The following CEP78 variants were observed in gnomAD, a reference collection of about 807,000 sequenced individuals.
CEP78 encodes centrosomal protein of 78 kDa.
In CEP78, 76 loss-of-function variants were observed where a neutral mutation model predicts 81.2. That is an observed-to-expected ratio of 0.94 (90% CI 0.78 to 1.13). The LOEUF (loss-of-function observed/expected upper bound fraction) is 1.13, where lower values mean the gene tolerates loss of function less well. Among genes scored for constraint, CEP78 ranks in the 50% most tolerant of loss-of-function variants. The pLI is 0.00. For missense variants in CEP78, 918 were observed against 846.8 expected (o/e 1.08, Z -1.04); for synonymous variants, 293 against 301.4 (o/e 0.97, Z 0.29).
Position 78,240,079 on chromosome 9 carries a change from G to A in CEP78, c.310G>A (p.Val104Met). 3 of 1,585,724 alleles carry A rather than the reference G, an allele frequency of 1.9e-6. No individual in the cohort carries two copies. The highest frequency in any genetic ancestry group is 1.2e-5 in the South Asian group (1 of 84,932). Residue 104 changes from valine (V) to methionine (M), a missense_variant, in exon 2 of 17, where the codon GTG (valine) becomes ATG (methionine). Coordinates refer to ENST00000643273, the MANE Select transcript of CEP78 (RefSeq NM_001330691.3). ...SRVPAIRYKD[V>M]TFQLCKALKG... ...TGTTCCTGCGATAAGATACAAAGAT[G>A]TGACCTTCCAGTTGTGTAAAGCTCT...
chr9:78,253,076 A>G (rs982765679), intron 9 of CEP78, among the ~76,000 whole-genome samples, 156 bp from the exon 10 acceptor site: 1 of 152,218 alleles, frequency 6.6e-6, no homozygotes, highest in Non-Finnish European at 1.5e-5. Flanking sequence ...AATTTTCTCC[A>G]TAGCAGAGCT....
Position 78,242,851 on chromosome 9 carries a change from G to A in CEP78, c.604-611G>A, listed in dbSNP as rs145394880. Among the ~76,000 whole-genome samples, 753 of 152,216 alleles carry A rather than the reference G, an allele frequency of 4.9e-3. 6 individuals carry two copies. Among genetic ancestry groups the A allele is most frequent in the African/African-American group, 0.017 (721 of 41,548 alleles). On this transcript the variant is annotated intron_variant, in intron 4 of 16. Coordinates refer to ENST00000643273, the MANE Select transcript of CEP78 (RefSeq NM_001330691.3). Reference sequence around the variant, plus strand: ...CAATTTCCGAAGGCATATCAACCTTGCTTTGTATATTCTAGGCCTCTAAAT... The same window carrying A: ...CAATTTCCGAAGGCATATCAACCTTACTTTGTATATTCTAGGCCTCTAAAT...
chr9:78,252,064 A>G lies in CEP78; in HGVS notation c.1205+21A>G, dbSNP rs779044465. On this transcript the variant is annotated intron_variant, in intron 9 of 16. Coordinates refer to ENST00000643273, the MANE Select transcript of CEP78 (RefSeq NM_001330691.3). ...CACAGGTAGGGTATTTTTATTTCCT[A>G]TCTTTTAGGATAAAAATGGGATTCA... 13 of 1,542,898 alleles carry G rather than the reference A, an allele frequency of 8.4e-6. No homozygotes were observed. In the East Asian group the frequency reaches 1.4e-4, roughly 16 times the overall value.
intron 8 of CEP78, chr9:78,250,060 C>T (rs1332087610): frequency 2.6e-6 from 1 of 379,562 alleles, no homozygotes; most frequent in Non-Finnish European, 4.6e-6. Flanking sequence ...AAATATAAAA[C>T]ATTAGAAATT....
Position 78,243,445 on chromosome 9 carries a change from T to G in CEP78, c.604-17T>G. ...TTTATCCAAGTGTATTAATTTCATC[T>G]TATTAAATCTTTGAAGTATCAGACC... On this transcript the variant is annotated splice_polypyrimidine_tract_variant and intron_variant, in intron 4 of 16. Transcript: ENST00000643273. 6.2e-7 allele frequency: 1 copy of G among 1,604,802 alleles called. No individual in the cohort carries two copies. Among genetic ancestry groups the G allele is most frequent in the Non-Finnish European group, 8.5e-7 (1 of 1,175,004 alleles).
Position 78,273,691 on chromosome 9 carries a change from G to GT in CEP78, c.*2840_*2841insT, listed in dbSNP as rs1430518592. 2 of 152,336 alleles carry GT rather than the reference G, an allele frequency of 1.3e-5. No homozygotes were observed. Among genetic ancestry groups the GT allele is most frequent in the Non-Finnish European group, 2.9e-5 (2 of 68,156 alleles). The allele number at this position is 152,336 out of a possible 1,614,324, so 9.4% of individuals were successfully genotyped here. Reference sequence around the variant, plus strand: ...GAACCTGGGAGGCGGAGTTTGCAGTGAGCTGAGATGGCACCGCTGCACTCC... The same window carrying GT: ...GAACCTGGGAGGCGGAGTTTGCAGTGTAGCTGAGATGGCACCGCTGCACTCC... On this transcript the variant is annotated 3_prime_UTR_variant, in exon 17 of 17. Transcript: ENST00000643273.
intron 3 of CEP78, among the ~76,000 whole-genome samples, chr9:78,240,806 C>CA (rs1158642513): frequency 6.6e-6 from 1 of 151,728 alleles, no homozygotes; most frequent in Non-Finnish European, 1.5e-5. Context: ...TAAAAAAATA[C>CA]AAAAAAACTC....
Position 78,250,008 on chromosome 9 carries a change from T to C in CEP78, c.1069+1135T>C, listed in dbSNP as rs1826678676. Reference sequence around the variant, plus strand: ...ATCACTTGACTTAATATCACTGAACTGTACACTTAAAAATGGCTAAGATAT... The same window carrying C: ...ATCACTTGACTTAATATCACTGAACCGTACACTTAAAAATGGCTAAGATAT... On this transcript the variant is annotated intron_variant, in intron 8 of 16. Coordinates refer to ENST00000643273, the MANE Select transcript of CEP78 (RefSeq NM_001330691.3). 1.2e-5 allele frequency: 4 copies of C among 328,636 alleles called. No individual in the cohort carries two copies. The South Asian group carries it at 6.2e-4, about 51-fold the overall frequency. The allele number at this position is 328,636 out of a possible 1,614,324, so 20.4% of individuals were successfully genotyped here.
At chr9:78,265,763 T>A in intron 14 of CEP78, 96 bp from the exon 15 acceptor site, 1 of 769,424 alleles carries the variant, frequency 1.3e-6, no homozygotes, top group Non-Finnish European at 2.2e-6. Context: ...CTTTATGATT[T>A]AAAGTAGACT....
chr9:78,251,892 A>C lies in CEP78; in HGVS notation c.1070-16A>C, dbSNP rs762982360. ...TAGTGCATCTTGATTCTTTCTTTTT[A>C]ACACTTCTCAAGTAGGATTGGCTAC... On this transcript the variant is annotated splice_polypyrimidine_tract_variant and intron_variant, in intron 8 of 16. Coordinates refer to ENST00000643273, the MANE Select transcript of CEP78 (RefSeq NM_001330691.3). 4.4e-6 allele frequency: 7 copies of C among 1,597,198 alleles called. No homozygotes were observed. The highest frequency in any genetic ancestry group is 6.0e-6 in the Non-Finnish European group (7 of 1,168,068).
At chr9:78,253,967 T>C (rs989971915) in intron 10 of CEP78, 1 of 152,242 alleles carries the variant, frequency 6.6e-6, no homozygotes, top group Non-Finnish European at 1.5e-5. Flanking sequence ...ATGCTTGTAG[T>C]TGATACTGCA....
chr9:78,248,613 A>G, intron 7 of CEP78, 149 bp from the exon 8 acceptor site: 1 of 614,898 alleles, frequency 1.6e-6, no homozygotes, highest in East Asian at 2.9e-5. Flanking sequence ...CTGTTTTTGT[A>G]AATACCGTAT....
chr9:78,265,648 C>A, intron 14 of CEP78, 105 bp downstream of exon 14: 1 of 1,085,988 alleles, frequency 9.2e-7, no homozygotes, highest in Non-Finnish European at 1.3e-6. Flanking sequence ...TGCTCAGGGA[C>A]CAGAAGCATC....
Position 78,271,336 on chromosome 9 carries a change from C to CAT in CEP78, c.*487_*488dup, listed in dbSNP as rs1827683596. The CAT allele has an allele frequency of 6.6e-6, 1 of 152,076 alleles. No homozygotes were observed. The allele number at this position is 152,076 out of a possible 1,614,324, so 9.4% of individuals were successfully genotyped here. A position where few individuals can be genotyped will look rare whatever the true frequency, so the allele number is the denominator to read the frequency against. On this transcript the variant is annotated 3_prime_UTR_variant, in exon 17 of 17. Transcript: ENST00000643273. ...CATCAAATTTGAAGAAAACCAGTAA[C>CAT]ATAAAAGGAGGCATGAAATTAAAAT...
chr9:78,253,255 G>A lies in CEP78; in HGVS notation c.1229G>A (p.Arg410His), dbSNP rs757117060. The A allele has an allele frequency of 5.8e-6, 8 of 1,382,084 alleles. No individual in the cohort carries two copies. The highest frequency in any genetic ancestry group is 1.2e-5 in the South Asian group (1 of 81,952). The allele number at this position is 1,382,084 out of a possible 1,614,324, so 85.6% of individuals were successfully genotyped here. A position where few individuals can be genotyped will look rare whatever the true frequency, so the allele number is the denominator to read the frequency against. Residue 410 changes from arginine to histidine, a missense_variant, in exon 10 of 17, where the codon CGT becomes CAT. By Grantham distance (29) the Arg-to-His change is conservative. Transcript: ENST00000643273. The stretch of plus-strand genomic sequence containing the variant: ...AGGGGTTTCCCATTAATCAAAACAC[G>A]TGATATATGTAATCAGTTGCAGGTA... ...RHRGFPLIKT[R>H]DICNQLQQPG...
chr9:78,250,036 A>G, intron 8 of CEP78: 1 of 362,110 alleles, frequency 2.8e-6, no homozygotes, highest in East Asian at 4.0e-5. Context: ...TAAGATATAA[A>G]ACAATTTAAC....
chr9:78,247,589 A>G (rs1312078077), intron 6 of CEP78, among the ~76,000 whole-genome samples: 2 of 152,196 alleles, frequency 1.3e-5, no homozygotes, highest in Non-Finnish European at 2.9e-5. Flanking sequence ...AAATGAGCTG[A>G]AAACCATGGG....
At chr9:78,248,429 C>T in intron 7 of CEP78, 74 bp downstream of exon 7, 1 of 970,166 alleles carries the variant, frequency 1.0e-6, no homozygotes, top group Non-Finnish European at 1.6e-6. Flanking sequence ...CTGTACTGCC[C>T]AGCCTGGCCT....
At position 78,258,979 on chromosome 9, in the gene CEP78, T is replaced by C. The variant is rs924563309; in HGVS notation, c.1381-3928T>C. On this transcript the variant is annotated intron_variant, in intron 11 of 16. Transcript: ENST00000643273. ...TATCAATGGAAAGTATATAAATACG[T>C]TGGGACCCAACAAGTCATCTGAGGG... is the stretch of plus-strand genomic sequence containing the variant. Among the ~76,000 whole-genome samples, 4 of 152,320 alleles carry C rather than the reference T, an allele frequency of 2.6e-5. No individual in the cohort carries two copies. The East Asian group carries it at 7.7e-4, about 29-fold the overall frequency.
Sources: allele counts gnomAD v4.1 joint callset (sites outside exome capture counted in the v4.1 genomes callset), GRCh38; gene constraint gnomAD v4.1.1; transcripts MANE v1.5; gene names NCBI Gene and HGNC (gene_info 2026-07-23, HGNC 2026-07-21).